Variants in PCBP3 observed in about 807,000 individuals in gnomAD.
PCBP3 encodes the protein poly(rC) binding protein 3.
PCBP3 carries 25 observed loss-of-function variants against 52.7 expected under a neutral mutation model. The observed-to-expected ratio is 0.47, with a 90% CI of 0.35 to 0.66. The LOEUF (loss-of-function observed/expected upper bound fraction) is 0.66, where lower values mean the gene tolerates loss of function less well. Among genes scored for constraint, PCBP3 ranks in the 30% least tolerant of loss-of-function variants. The pLI, the probability that PCBP3 is intolerant of heterozygous loss-of-function variation, is 0.01. For synonymous variants in PCBP3, 162 were observed against 183.0 expected (o/e 0.89, Z 0.93); for missense variants, 391 against 490.3 (o/e 0.80, Z 1.91).
chr21:45,865,304 T>TA (rs1369038804), intron 5 of PCBP3, among the ~76,000 whole-genome samples: 2 of 152,286 alleles, frequency 1.3e-5, no homozygotes, highest in Admixed American at 6.5e-5. Flanking sequence ...TGCTCATGTT[T>TA]AAAAAATTAC....
chr21:45,824,314 G>T (rs2093245840), intron 4 of PCBP3, among the ~76,000 whole-genome samples: 1 of 152,200 alleles, frequency 6.6e-6, no homozygotes, highest in Non-Finnish European at 1.5e-5. Flanking sequence ...GAGTTTTGCT[G>T]TGTTTTAGAT....
rs1386269488 is a variant in PCBP3 at position 45,741,687 on chromosome 21, G to C, written c.-162+6258G>C. On this transcript the variant is annotated intron_variant, in intron 3 of 17. Coordinates refer to ENST00000681687, the MANE Select transcript of PCBP3 (RefSeq NM_001384156.1). The surrounding 1 kb of genome is among the most constrained non-coding windows in gnomAD (Gnocchi z 4.5). ...TTATTAAAAATAAAAAATTTTAAAG[G>C]TTATATGGCAAATATTATTTTATAA... Among the ~76,000 whole-genome samples, 1 of 152,084 alleles carries C rather than the reference G, an allele frequency of 6.6e-6. No homozygotes were observed. Among genetic ancestry groups the C allele is most frequent in the Non-Finnish European group, 1.5e-5 (1 of 68,016 alleles).
chr21:45,654,776 T>C (rs2079908965), intron 1 of PCBP3, among the ~76,000 whole-genome samples: 1 of 152,228 alleles, frequency 6.6e-6, no homozygotes, highest in African/African-American at 2.4e-5. Flanking sequence ...TGAGTGTTTT[T>C]TGGTGTATTT....
intron 4 of PCBP3, among the ~76,000 whole-genome samples, chr21:45,771,936 T>C (rs2089902549): frequency 6.6e-6 from 1 of 152,242 alleles, no homozygotes; most frequent in African/African-American, 2.4e-5. Flanking sequence ...AAATCAATTG[T>C]ATATCTGTAT....
chr21:45,659,995 C>G (rs1367968166), intron 1 of PCBP3, among the ~76,000 whole-genome samples: 1 of 152,022 alleles, frequency 6.6e-6, no homozygotes, highest in Non-Finnish European at 1.5e-5. Flanking sequence ...CTTTTGTTTT[C>G]TTTCTGATTT....
intron 12 of PCBP3, chr21:45,916,971 G>A (rs1037782822): frequency 1.3e-5 from 2 of 152,230 alleles, no homozygotes; most frequent in Non-Finnish European, 2.9e-5. Context: ...TTGAAGGCGA[G>A]GGAAATACTG....
At chr21:45,759,435 T>C (rs917052241) in intron 4 of PCBP3, among the ~76,000 whole-genome samples, 1 of 152,226 alleles carries the variant, frequency 6.6e-6, no homozygotes, top group African/African-American at 2.4e-5. Flanking sequence ...GTTTTTTATC[T>C]TGTCAAATAT....
At chr21:45,660,908 G>A (rs1262539732) in intron 1 of PCBP3, among the ~76,000 whole-genome samples, 1 of 152,116 alleles carries the variant, frequency 6.6e-6, no homozygotes, top group East Asian at 1.9e-4. Context: ...GGGAGTGGTG[G>A]TGCATGCCTG....
At chr21:45,764,722 A>T (rs2089125221) in intron 4 of PCBP3, among the ~76,000 whole-genome samples, 1 of 152,242 alleles carries the variant, frequency 6.6e-6, no homozygotes, top group Non-Finnish European at 1.5e-5. Context: ...CTTTTAATTT[A>T]AAACAAATCA....
At chr21:45,854,424 C>T (rs2094185397) in intron 5 of PCBP3, among the ~76,000 whole-genome samples, 1 of 152,156 alleles carries the variant, frequency 6.6e-6, no homozygotes, top group South Asian at 2.1e-4. Flanking sequence ...AACCCTCCCT[C>T]CCCCAGCCTC....
chr21:45,859,160 C>G (rs1020846837), intron 5 of PCBP3, among the ~76,000 whole-genome samples: 3 of 152,220 alleles, frequency 2.0e-5, no homozygotes, highest in Non-Finnish European at 4.4e-5. Context: ...TTGTCCACTC[C>G]TTTGCTGGTG....
intron 4 of PCBP3, among the ~76,000 whole-genome samples, chr21:45,783,534 G>A (rs973070812): frequency 2.0e-5 from 3 of 152,222 alleles, no homozygotes; most frequent in Non-Finnish European, 2.9e-5. Context: ...AATGGAGAAG[G>A]GGGGAAGGTC....
chr21:45,849,221 A>C (rs2093899057), intron 4 of PCBP3, among the ~76,000 whole-genome samples: 1 of 128,792 alleles, frequency 7.8e-6, no homozygotes, highest in Non-Finnish European at 1.6e-5. Flanking sequence ...CTTTTTTGAG[A>C]CGGAGTCTCA....
chr21:45,762,877 C>A (rs904965595), intron 4 of PCBP3: 2 of 152,256 alleles, frequency 1.3e-5, no homozygotes, highest in African/African-American at 4.8e-5. Context: ...GGATTTTCCA[C>A]GTTCGCCTTG....
chr21:45,864,240 A>G (rs2094620299), intron 5 of PCBP3, among the ~76,000 whole-genome samples: 1 of 151,968 alleles, frequency 6.6e-6, no homozygotes, highest in African/African-American at 2.4e-5. Flanking sequence ...TGAACTGAAC[A>G]GGTGATTACA....
intron 4 of PCBP3, chr21:45,831,051 T>G (rs538316020): frequency 6.6e-6 from 1 of 152,326 alleles, no homozygotes; most frequent in South Asian, 2.1e-4. Context: ...GTCTCTGGAG[T>G]CTGTCCTGCC....
In PCBP3 at chr21:45,669,710, C is replaced by T. The variant is rs192823573; in HGVS notation, c.-200+758C>T. Among the ~76,000 whole-genome samples the T allele has an allele frequency of 6.0e-5, 9 of 149,588 alleles. No individual in the cohort carries two copies. The East Asian group carries it at 1.6e-3, about 26-fold the overall frequency. On this transcript the variant is annotated intron_variant, in intron 2 of 17. Coordinates refer to ENST00000681687, the MANE Select transcript of PCBP3 (RefSeq NM_001384156.1). Reference sequence around the variant, plus strand: ...TTTGTGACTGGCTTATTTAATGTAGCGTACTGTCTTCAGGGTTCATCCATG... The same window carrying T: ...TTTGTGACTGGCTTATTTAATGTAGTGTACTGTCTTCAGGGTTCATCCATG...
At chr21:45,714,119 G>A (rs751232270) in intron 2 of PCBP3, among the ~76,000 whole-genome samples, 25 of 152,132 alleles carry the variant, frequency 1.6e-4, no homozygotes, top group Admixed American at 1.3e-4. Context: ...TCTCTTCAGC[G>A]TGGTTGGTTG....
chr21:45,893,268 G>T (rs1450896892), intron 5 of PCBP3, among the ~76,000 whole-genome samples: 1 of 151,452 alleles, frequency 6.6e-6, no homozygotes, highest in East Asian at 1.9e-4. Context: ...CTGGTTGGAG[G>T]CATCCCTGGC....
Sources: allele counts gnomAD v4.1 joint callset (sites outside exome capture counted in the v4.1 genomes callset), GRCh38; gene constraint gnomAD v4.1.1; non-coding constraint Gnocchi (gnomAD v3.1); transcripts MANE v1.5; gene names NCBI Gene and HGNC (gene_info 2026-07-23, HGNC 2026-07-21).